Variants in RIF1 observed in about 807,000 individuals in gnomAD.
RIF1 encodes replication timing regulatory factor 1.
Under a neutral mutation model 247.1 loss-of-function variants are expected in RIF1, and 45 were observed. The ratio of observed to expected loss-of-function variants is 0.18; its 90% confidence interval spans 0.14 to 0.23. The LOEUF (loss-of-function observed/expected upper bound fraction) is 0.23, where lower values mean the gene tolerates loss of function less well. Ranked by LOEUF, RIF1 falls within the 10% of genes least tolerant of loss-of-function variation. The pLI is 1.00. For synonymous variants in RIF1, 1,087 were observed against 978.8 expected, an observed-to-expected ratio of 1.11 and a Z score of -2.06; for missense variants, 2,967 against 2,862.5, an observed-to-expected ratio of 1.04 and a Z score of -0.83.
Position 151,461,183 on chromosome 2 carries a change from T to C in RIF1, c.3121T>C (p.Leu1041=), listed in dbSNP as rs575023563. Reference sequence around the variant, plus strand: ...TTTAAAAGTAAAGGGTGAAATTCTTTTGGAAGAGGAAAAGTCTACTGACTT... The same window carrying C: ...TTTAAAAGTAAAGGGTGAAATTCTTCTGGAAGAGGAAAAGTCTACTGACTT... ...SSLKVKGEIL[L]EEEKSTDFVF... is the part of the protein sequence containing the mutation. Residue 1041 remains leucine (L), a synonymous_variant, in exon 27 of 36, where the codon TTG becomes CTG. Coordinates refer to ENST00000444746, the MANE Select transcript of RIF1 (RefSeq NM_018151.5). The C allele has an allele frequency of 9.4e-5, 152 of 1,613,434 alleles. 2 individuals carry two copies. The South Asian group carries it at 1.5e-3, about 16-fold the overall frequency.
chr2:151,520,286 A>C, the RIF1 span, among the ~76,000 whole-genome samples: 1 of 152,202 alleles, frequency 6.6e-6, no homozygotes, highest in East Asian at 1.9e-4. Context: ...AACTTGGCCA[A>C]AAATGGTATA....
At chr2:151,436,674 A>G (rs983871772) in intron 11 of RIF1, among the ~76,000 whole-genome samples, 153 bp from the exon 12 acceptor site, 4 of 151,946 alleles carry the variant, frequency 2.6e-5, no homozygotes, top group African/African-American at 9.7e-5. Context: ...TTTGTTACAG[A>G]ATACCTGCAT....
chr2:151,473,005 CT>C (rs1432294088), intron 34 of RIF1, among the ~76,000 whole-genome samples: 1 of 151,916 alleles, frequency 6.6e-6, no homozygotes, highest in Non-Finnish European at 1.5e-5. Flanking sequence ...TGGTCCTGGA[CT>C]TTTTTTGGTT....
At chr2:151,468,282 GTAAGCAGAAAGGAAGA>G in intron 31 of RIF1, 136 bp downstream of exon 31, 1 of 928,112 alleles carries the variant, frequency 1.1e-6, no homozygotes, top group East Asian at 2.6e-5. Context: ...CTGGTACACG[GTAAGCAGAAAGGAAGA>G]GAAGCAGAAA....
intron 21 of RIF1, among the ~76,000 whole-genome samples, chr2:151,452,741 T>A (rs1344814047): frequency 6.6e-6 from 1 of 152,258 alleles, no homozygotes; most frequent in East Asian, 1.9e-4. Flanking sequence ...CAAGATTATA[T>A]AACAGATGAT....
chr2:151,527,497 G>C, the RIF1 span: 3 of 1,613,062 alleles, frequency 1.9e-6, no homozygotes, highest in East Asian at 6.7e-5. Flanking sequence ...TTGCTGCAGG[G>C]ATGACTTGGC....
chr2:151,468,168 A>T (rs1697242816), intron 31 of RIF1, 22 bp downstream of exon 31: 1 of 1,583,498 alleles, frequency 6.3e-7, no homozygotes, highest in African/African-American at 1.4e-5. Context: ...GCTTTAAAAT[A>T]TACATATATG....
In RIF1 at chr2:151,433,112, A is replaced by G. The variant is rs1370427936; in HGVS notation, c.961A>G (p.Met321Val). The G allele has an allele frequency of 1.9e-6, 3 of 1,613,534 alleles. No individual in the cohort carries two copies. The highest frequency in any genetic ancestry group is 2.7e-5 in the African/African-American group (2 of 74,936). ...TAGTGCAAAAAGACTCAAGTTGTTA[A>G]TGCAGCCTTTGAGTTCCATCCATGT... ...LCSAKRLKLL[M>V]QPLSSIHVRT... The change falls in exon 10 of 36, where the codon ATG (methionine) becomes GTG (valine). Residue 321 changes from methionine (M) to valine (V), a missense_variant. Around this residue, in one of 7 missense-constraint regions of RIF1, gnomAD observed 71 missense variants for 132.9 expected, o/e 0.53. Coordinates refer to ENST00000444746, the MANE Select transcript of RIF1 (RefSeq NM_018151.5).
chr2:151,439,221 T>G (rs1691794587), intron 14 of RIF1, among the ~76,000 whole-genome samples: 1 of 152,214 alleles, frequency 6.6e-6, no homozygotes, highest in South Asian at 2.1e-4. Flanking sequence ...ACTTGCTGTT[T>G]CCGGGATGGA....
intron 8 of RIF1, among the ~76,000 whole-genome samples, chr2:151,424,739 G>A (rs909796255): frequency 4.0e-5 from 6 of 148,958 alleles, no homozygotes; most frequent in East Asian, 2.0e-4. Flanking sequence ...GCACAACCTC[G>A]CTCACTGCAA....
chr2:151,416,440 T>C (rs746014485), intron 4 of RIF1, 121 bp from the exon 5 acceptor site: 3 of 924,876 alleles, frequency 3.2e-6, no homozygotes, highest in Non-Finnish European at 4.8e-6. Flanking sequence ...TTCTCTGATC[T>C]GTTCTCTGGA....
chr2:151,434,031 G>A (rs1690676324), intron 10 of RIF1, among the ~76,000 whole-genome samples: 1 of 151,858 alleles, frequency 6.6e-6, no homozygotes, highest in South Asian at 2.1e-4. Context: ...AAGTAGCTGG[G>A]TGTGGTGGCA....
chr2:151,490,300 A>G, intron 9 of RIF1: 2 of 1,517,674 alleles, frequency 1.3e-6, no homozygotes, highest in Non-Finnish European at 1.8e-6. Flanking sequence ...TTTGTACTCA[A>G]AGCATCTCTT....
chr2:151,463,159 C>T lies in RIF1; in HGVS notation c.3639C>T (p.Tyr1213=). 1 of 1,614,114 alleles carries T rather than the reference C, an allele frequency of 6.2e-7. No homozygotes were observed. Among genetic ancestry groups the T allele is most frequent in the Non-Finnish European group, 8.5e-7 (1 of 1,180,010 alleles). The part of the protein sequence containing the change: ...SNTTVAGTPP[Y]PTSRRQTFIT... ...CCACTGTTGCTGGAACTCCCCCATA[C>T]CCTACAAGTCGGAGGCAAACCTTTA... Residue 1213 remains tyrosine, a synonymous_variant, in exon 30 of 36, where the codon TAC becomes TAT. Coordinates refer to ENST00000444746, the MANE Select transcript of RIF1 (RefSeq NM_018151.5).
At chr2:151,437,834 G>T (rs1691534280) in intron 13 of RIF1, among the ~76,000 whole-genome samples, 1 of 152,186 alleles carries the variant, frequency 6.6e-6, no homozygotes, top group Admixed American at 6.5e-5. Context: ...GAGAAAATGG[G>T]TTATACAGGA....
chr2:151,439,995 AGAAC>A, intron 14 of RIF1, 28 bp from the exon 15 acceptor site: 1 of 830,890 alleles, frequency 1.2e-6, no homozygotes, highest in Non-Finnish European at 1.9e-6. Flanking sequence ...AAAAAAAAAA[AGAAC>A]TATACCCTTC....
the RIF1 span, chr2:151,518,393 A>T: frequency 6.2e-7 from 1 of 1,610,792 alleles, no homozygotes; most frequent in Non-Finnish European, 8.5e-7. Flanking sequence ...AGTGGCCTTT[A>T]CTCTTCTCAT....
rs755153680 is a variant in RIF1, at chr2:151,465,488, A to T, written c.5968A>T (p.Ile1990Phe). The change falls in exon 30 of 36, where the codon ATT (isoleucine) becomes TTT (phenylalanine). Residue 1990 changes from isoleucine (I) to phenylalanine (F), a missense_variant. Ile to Phe is a conservative substitution (Grantham distance 21, BLOSUM62 0). This residue lies in a region of RIF1 where 2,028 missense variants were observed against 1,825.6 expected (regional missense o/e 1.11). Coordinates refer to ENST00000444746, the MANE Select transcript of RIF1 (RefSeq NM_018151.5). Reference protein sequence around the residue: ...TPVKLNAQTEISEQTAAGELD... With the variant: ...TPVKLNAQTEFSEQTAAGELD... ...TGTAAAATTGAATGCTCAAACTGAGATTTCTGAACAAACAGCAGCTGGGGA... is the reference window on the plus strand; with the variant it reads ...TGTAAAATTGAATGCTCAAACTGAGTTTTCTGAACAAACAGCAGCTGGGGA... 2 of 1,614,048 alleles carry T rather than the reference A, an allele frequency of 1.2e-6. No homozygotes were observed. Among genetic ancestry groups the T allele is most frequent in the African/African-American group, 1.3e-5 (1 of 75,032 alleles).
At chr2:151,485,783 C>T (rs775823432), downstream of RIF1, 79 of 1,611,884 alleles carry the variant, frequency 4.9e-5, no homozygotes, top group Non-Finnish European at 6.1e-5. Context: ...ACGTAGTTGG[C>T]TGGGAGCATT....
Sources: allele counts gnomAD v4.1 joint callset (sites outside exome capture counted in the v4.1 genomes callset), GRCh38; gene constraint gnomAD v4.1.1; regional missense constraint gnomAD v4.1.1; transcripts MANE v1.5; gene names NCBI Gene and HGNC (gene_info 2026-07-23, HGNC 2026-07-21).